Variants in CA1 observed in about 807,000 individuals in gnomAD.
CA1 encodes the protein carbonate dehydratase I.
In CA1, 27 loss-of-function variants were observed where a neutral mutation model predicts 28.8. The ratio of observed to expected loss-of-function variants is 0.94; its 90% CI spans 0.69 to 1.29. The LOEUF (loss-of-function observed/expected upper bound fraction) is 1.29, where lower values mean the gene tolerates loss of function less well. Ranked by LOEUF, CA1 falls within the 50% of genes most tolerant of loss-of-function variation. CA1 has a pLI of 0.00. For missense variants in CA1, 335 were observed against 310.5 expected (o/e 1.08, Z -0.59); for synonymous variants, 121 against 108.8 (o/e 1.11, Z -0.70).
At chr8:85,334,440 G>A (rs556929288) in intron 4 of CA1, among the ~76,000 whole-genome samples, 1 of 152,216 alleles carries the variant, frequency 6.6e-6, no homozygotes, top group Admixed American at 6.5e-5. Flanking sequence ...TCAAATGGCA[G>A]ACTTTTGTCT....
intron 1 of CA1, 24 bp from the exon 2 acceptor site, chr8:85,341,683 A>T (rs1808940238): frequency 8.0e-7 from 1 of 1,252,204 alleles, no homozygotes; most frequent in African/African-American, 1.5e-5. Context: ...TAATACCTGG[A>T]ATAACTAACT....
Position 85,337,053 on chromosome 8 carries a change from A to G in CA1, c.246T>C (p.Gly82=), listed in dbSNP as rs777881519. 6.3e-7 allele frequency: 1 copy of G among 1,592,628 alleles called. No individual in the cohort carries two copies. Among genetic ancestry groups the G allele is most frequent in the South Asian group, 1.1e-5 (1 of 90,668 alleles). ...EDNDNRSVLK[G]GPFSDSYRLF... is the part of the protein sequence containing the mutation. ...GCCTGTAGCTGTCAGAGAAAGGACCACCTTTCAGCACTGGAAGAAAAGGGA... is the reference window on the plus strand; with the variant it reads ...GCCTGTAGCTGTCAGAGAAAGGACCGCCTTTCAGCACTGGAAGAAAAGGGA... Residue 82 remains glycine, a synonymous_variant, in exon 4 of 8, where the codon GGT becomes GGC. Coordinates refer to ENST00000523022, the MANE Select transcript of CA1 (RefSeq NM_001128831.4).
intron 1 of CA1, among the ~76,000 whole-genome samples, chr8:85,357,490 G>A (rs1809646603): frequency 6.6e-6 from 1 of 152,200 alleles, no homozygotes; most frequent in Admixed American, 6.5e-5. Flanking sequence ...CAGGTGTCTA[G>A]TTACCTGGTA....
intron 1 of CA1, among the ~76,000 whole-genome samples, chr8:85,370,661 G>A (rs1384681779): frequency 6.6e-6 from 1 of 152,018 alleles, no homozygotes; most frequent in Non-Finnish European, 1.5e-5. Flanking sequence ...AATGACAAGT[G>A]CTGTCAAAAT....
chr8:85,350,187 G>A (rs79112312), intron 1 of CA1, among the ~76,000 whole-genome samples: 2,204 of 152,256 alleles, frequency 0.014, 59 homozygotes, highest in African/African-American at 0.05. Flanking sequence ...TTAGCTCTAA[G>A]TAAGTGAAGA....
At chr8:85,342,360 C>G (rs937651467) in intron 1 of CA1, among the ~76,000 whole-genome samples, 3 of 151,822 alleles carry the variant, frequency 2.0e-5, no homozygotes, top group African/African-American at 7.3e-5. Context: ...ATTTATAAAC[C>G]AGTTTCTTAT....
intron 2 of CA1, 117 bp downstream of exon 2, chr8:85,341,482 G>T: frequency 4.2e-6 from 3 of 720,782 alleles, no homozygotes; most frequent in South Asian, 1.6e-5. Context: ...ATTATTTAAA[G>T]CAGACAGTTC....
chr8:85,369,794 T>C (rs527460085), intron 1 of CA1, among the ~76,000 whole-genome samples: 16 of 152,330 alleles, frequency 1.1e-4, no homozygotes, highest in African/African-American at 3.6e-4. Context: ...CACTCATCCC[T>C]TACGCCTGTT....
chr8:85,358,328 C>G (rs970410410), intron 1 of CA1, among the ~76,000 whole-genome samples: 1 of 152,164 alleles, frequency 6.6e-6, no homozygotes, highest in African/African-American at 2.4e-5. Context: ...CTTCATTTCA[C>G]TCTCCACTTT....
rs568957514 is a variant in CA1 at position 85,345,189 on chromosome 8, C to A, written c.-24-3530G>T. Among the ~76,000 whole-genome samples the A allele has an allele frequency of 9.9e-5, 15 of 152,216 alleles. No homozygotes were observed. The East Asian group carries it at 2.9e-3, about 29-fold the overall frequency. Reference sequence around the variant, plus strand: ...CAAAGCTGTGTTGGTAACTTTATTCCTTCCAATGTTTGTATTTGTCTCCAT... The same window carrying A: ...CAAAGCTGTGTTGGTAACTTTATTCATTCCAATGTTTGTATTTGTCTCCAT... On this transcript the variant is annotated intron_variant, in intron 1 of 7. Coordinates refer to ENST00000523022, the MANE Select transcript of CA1 (RefSeq NM_001128831.4).
intron 7 of CA1, 95 bp downstream of exon 7, chr8:85,329,594 A>G: frequency 1.8e-6 from 2 of 1,125,848 alleles, no homozygotes; most frequent in Non-Finnish European, 2.6e-6. Context: ...ACTTCTCACA[A>G]AGCTGACTGA....
intron 1 of CA1, among the ~76,000 whole-genome samples, chr8:85,371,278 C>T (rs769803996): frequency 6.6e-6 from 1 of 152,136 alleles, no homozygotes; most frequent in Non-Finnish European, 1.5e-5. Flanking sequence ...TAAAGGTAAG[C>T]CTCTGGCTTG....
At chr8:85,353,393 T>C (rs1290030074) in intron 1 of CA1, among the ~76,000 whole-genome samples, 1 of 152,238 alleles carries the variant, frequency 6.6e-6, no homozygotes, top group Non-Finnish European at 1.5e-5. Flanking sequence ...TCCCATTTTC[T>C]GTCCCAGAGA....
At chr8:85,335,593 TTATTGAAC>T (rs766088594) in intron 4 of CA1, among the ~76,000 whole-genome samples, 3 of 152,156 alleles carry the variant, frequency 2.0e-5, no homozygotes, top group Non-Finnish European at 4.4e-5. Flanking sequence ...TCAAGAAGGT[TTATTGAAC>T]TGAATTTAAT....
intron 1 of CA1, among the ~76,000 whole-genome samples, chr8:85,372,751 T>C (rs1404175883): frequency 2.6e-5 from 4 of 152,162 alleles, no homozygotes; most frequent in African/African-American, 7.2e-5. Flanking sequence ...CCATTCTGAG[T>C]AGTGTGATGA....
At chr8:85,350,846 C>T (rs1809382261) in intron 1 of CA1, among the ~76,000 whole-genome samples, 1 of 152,276 alleles carries the variant, frequency 6.6e-6, no homozygotes, top group Non-Finnish European at 1.5e-5. Flanking sequence ...TGATTTTATG[C>T]AGTGATTCGA....
chr8:85,358,156 C>T (rs903355731), intron 1 of CA1, among the ~76,000 whole-genome samples: 4 of 152,088 alleles, frequency 2.6e-5, no homozygotes, highest in Admixed American at 6.5e-5. Flanking sequence ...CAGGAATGGG[C>T]TACTTACAAG....
rs117876826 is a variant in CA1, at chr8:85,358,219, G to A, written c.-24-16560C>T. On this transcript the variant is annotated intron_variant, in intron 1 of 7. Transcript: ENST00000523022. ...CATGACCAAGGTTGAGGTATGGCCA[G>A]AACACTCCTCCTCTGTGACACCTCG... Among the ~76,000 whole-genome samples, 699 of 152,216 alleles carry A rather than the reference G, an allele frequency of 4.6e-3. 6 individuals carry two copies. The highest frequency in any genetic ancestry group is 0.01 in the Middle Eastern group (3 of 294).
At chr8:85,369,134 C>A (rs181545100) in intron 1 of CA1, among the ~76,000 whole-genome samples, 2 of 152,114 alleles carry the variant, frequency 1.3e-5, no homozygotes, top group Admixed American at 6.6e-5. Context: ...AGTTAAACTG[C>A]GCATCATAAC....
Sources: gnomAD v4.1 joint callset for allele counts (sites outside exome capture counted in the v4.1 genomes callset) on GRCh38, gnomAD v4.1.1 for gene constraint, MANE v1.5 for transcripts, NCBI Gene and HGNC (gene_info 2026-07-23, HGNC 2026-07-21) for gene names.